Variants in ABTB3 observed in about 807,000 individuals in gnomAD.
ABTB3 encodes the protein ankyrin repeat and BTB domain containing 3.
chr12:107,445,072 A>G, the ABTB3 span, among the ~76,000 whole-genome samples: 1 of 152,178 alleles, frequency 6.6e-6, no homozygotes, highest in African/African-American at 2.4e-5. Flanking sequence ...CTGGGGCCCC[A>G]TCTTCCTTAA....
chr12:107,389,937 CCTTTCCATGATGT>C, the ABTB3 span, among the ~76,000 whole-genome samples: 1 of 151,692 alleles, frequency 6.6e-6, no homozygotes, highest in Non-Finnish European at 1.5e-5. Context: ...CTTCCCAAAG[CCTTTCCATGATGT>C]CTTTCCATGT....
chr12:107,430,575 A>T, the ABTB3 span, among the ~76,000 whole-genome samples: 1 of 152,172 alleles, frequency 6.6e-6, no homozygotes, highest in East Asian at 1.9e-4. Context: ...TCTTTCATTT[A>T]TCCATCTGTC....
the ABTB3 span, among the ~76,000 whole-genome samples, chr12:107,497,609 C>T: frequency 2.0e-5 from 3 of 152,132 alleles, no homozygotes; most frequent in African/African-American, 7.2e-5. Context: ...ATCTATATCA[C>T]CTGCACAGAA....
At chr12:107,356,844 A>T in the ABTB3 span, among the ~76,000 whole-genome samples, 1 of 152,356 alleles carries the variant, frequency 6.6e-6, no homozygotes, top group East Asian at 1.9e-4. Context: ...GCTAAAGTTT[A>T]CTGAGAACCT....
At chr12:107,370,531 C>A in the ABTB3 span, among the ~76,000 whole-genome samples, 19 of 152,186 alleles carry the variant, frequency 1.2e-4, no homozygotes, top group African/African-American at 4.3e-4. Flanking sequence ...TGCCTGGCTC[C>A]CCTTCCTCTC....
At chr12:107,354,588 T>A in the ABTB3 span, among the ~76,000 whole-genome samples, 2 of 152,256 alleles carry the variant, frequency 1.3e-5, no homozygotes, top group African/African-American at 2.4e-5. Flanking sequence ...CTTATTCCTT[T>A]TTTATTGCTA....
At chr12:107,360,551 C>T in the ABTB3 span, among the ~76,000 whole-genome samples, 2 of 152,194 alleles carry the variant, frequency 1.3e-5, no homozygotes, top group East Asian at 3.8e-4. Context: ...CCCACAAGTG[C>T]CCCAAGCTCC....
the ABTB3 span, among the ~76,000 whole-genome samples, chr12:107,557,189 T>C: frequency 6.6e-6 from 1 of 152,138 alleles, no homozygotes; most frequent in African/African-American, 2.4e-5. Flanking sequence ...CATTGTAGAG[T>C]GTACTTACGT....
At chr12:107,646,240 C>T in the ABTB3 span, among the ~76,000 whole-genome samples, 1 of 152,202 alleles carries the variant, frequency 6.6e-6, no homozygotes, top group East Asian at 1.9e-4. Context: ...TTGTTTCACC[C>T]CCTTGCAGAA....
the ABTB3 span, among the ~76,000 whole-genome samples, chr12:107,456,026 C>G: frequency 6.6e-6 from 1 of 152,168 alleles, no homozygotes; most frequent in Admixed American, 6.5e-5. Flanking sequence ...AGGGCGCTTG[C>G]AAAGAATGTG....
At chr12:107,376,558 C>T in the ABTB3 span, among the ~76,000 whole-genome samples, 6 of 152,222 alleles carry the variant, frequency 3.9e-5, no homozygotes, top group South Asian at 1.0e-3. Flanking sequence ...CACCTTCCAG[C>T]GGAACAGATT....
chr12:107,531,642 C>T, the ABTB3 span, among the ~76,000 whole-genome samples: 90 of 152,228 alleles, frequency 5.9e-4, no homozygotes, highest in African/African-American at 2.1e-3. Flanking sequence ...CCTCAGCCCT[C>T]ACAGGACCCA....
At chr12:107,609,960 G>A in the ABTB3 span, 2 of 552,240 alleles carry the variant, frequency 3.6e-6, no homozygotes, top group Admixed American at 3.1e-5. Flanking sequence ...GTCGTTATGT[G>A]ACTTAGCTCA....
the ABTB3 span, chr12:107,319,312 G>A: frequency 2.1e-5 from 32 of 1,544,510 alleles, no homozygotes; most frequent in Non-Finnish European, 2.8e-5. Flanking sequence ...CCGGCGGCCT[G>A]CCCAAGGACG....
chr12:107,407,501 G>T, the ABTB3 span, among the ~76,000 whole-genome samples: 3 of 152,184 alleles, frequency 2.0e-5, no homozygotes, highest in African/African-American at 7.2e-5. Context: ...AGCTACCAGG[G>T]GACACGCTTC....
chr12:107,577,156 T>G, the ABTB3 span, among the ~76,000 whole-genome samples: 7 of 152,244 alleles, frequency 4.6e-5, no homozygotes, highest in African/African-American at 1.4e-4. Context: ...AATGTCAGAG[T>G]TGAGTAGTAG....
At chr12:107,341,150 A>G in the ABTB3 span, among the ~76,000 whole-genome samples, 1 of 152,214 alleles carries the variant, frequency 6.6e-6, no homozygotes, top group Non-Finnish European at 1.5e-5. Flanking sequence ...GTCTCCCGCA[A>G]TAGCTGGGCC....
At chr12:107,620,105 A>G in the ABTB3 span, 7 of 1,614,180 alleles carry the variant, frequency 4.3e-6, no homozygotes, top group Non-Finnish European at 5.9e-6. Context: ...GGAGGAATAC[A>G]CGGAGGAGCT....
At chr12:107,334,101 C>G in the ABTB3 span, among the ~76,000 whole-genome samples, 1 of 152,198 alleles carries the variant, frequency 6.6e-6, no homozygotes, top group Non-Finnish European at 1.5e-5. Flanking sequence ...AGCACAGGGT[C>G]ACCGTAAGCC....
Sources: gnomAD v4.1 joint callset for allele counts (sites outside exome capture counted in the v4.1 genomes callset) on GRCh38, gnomAD v4.1.1 for gene constraint, MANE v1.5 for transcripts, NCBI Gene and HGNC (gene_info 2026-07-23, HGNC 2026-07-21) for gene names.